SH3KBP1: variants seen among roughly 807,000 people sequenced by gnomAD.
SH3KBP1 encodes the protein SH3 domain-containing kinase-binding protein 1.
SH3KBP1 carries 8 observed loss-of-function variants against 50.1 expected under a neutral mutation model. That is an observed-to-expected ratio of 0.16 (90% CI 0.09 to 0.29). SH3KBP1 has a LOEUF of 0.29. Ranked by LOEUF, SH3KBP1 falls within the 10% of genes least tolerant of loss-of-function variation. SH3KBP1 has a pLI of 1.00. For synonymous variants in SH3KBP1, 227 were observed against 218.6 expected (o/e 1.04, Z -0.34); for missense variants, 377 against 535.2 (o/e 0.70, Z 2.92).
intron 2 of SH3KBP1, among the ~76,000 whole-genome samples, chrX:19,750,946 G>A (rs1414689716): frequency 2.7e-5 from 3 of 111,521 alleles, no homozygotes; most frequent in Non-Finnish European, 5.7e-5. Context: ...GGCAGAGCTG[G>A]CCATGAAACC....
At chrX:19,722,547 T>A (rs1400365491) in intron 3 of SH3KBP1, among the ~76,000 whole-genome samples, 1 of 105,334 alleles carries the variant, frequency 9.5e-6, no homozygotes, top group Non-Finnish European at 1.9e-5. Flanking sequence ...TGTGTGTGTG[T>A]GTGTGTGTGC....
chrX:19,552,083 T>C (rs766032737), intron 13 of SH3KBP1, among the ~76,000 whole-genome samples: 1 of 112,575 alleles, frequency 8.9e-6, no homozygotes, highest in Non-Finnish European at 1.9e-5. Flanking sequence ...TCATACTATA[T>C]GTAATACTGC....
chrX:19,777,629 AC>A (rs202044744), intron 2 of SH3KBP1, among the ~76,000 whole-genome samples: 1,636 of 111,474 alleles, frequency 0.015, 30 homozygotes, highest in African/African-American at 0.05. Flanking sequence ...GCTAGGCGCT[AC>A]CCCTAGAAGT....
intron 13 of SH3KBP1, among the ~76,000 whole-genome samples, chrX:19,554,234 T>TATAATATATATCATATTAAAATATA (rs1330596276): frequency 1.5e-5 from 1 of 66,163 alleles, no homozygotes; most frequent in African/African-American, 6.9e-5. Context: ...CATATTAAAA[T>TATAATATATATCATATTAAAATATA]ATATTATATA....
intron 1 of SH3KBP1, among the ~76,000 whole-genome samples, chrX:19,845,286 G>A (rs1028395660): frequency 9.2e-6 from 1 of 109,125 alleles, no homozygotes; most frequent in Non-Finnish European, 1.9e-5. Flanking sequence ...AGACCATCCT[G>A]GCTAACACGG....
At chrX:19,742,499 G>A (rs1321605599) in intron 3 of SH3KBP1, among the ~76,000 whole-genome samples, 2 of 111,697 alleles carry the variant, frequency 1.8e-5, no homozygotes, top group Non-Finnish European at 3.8e-5. Context: ...TAGGATATAT[G>A]CTAACTGTTC....
intron 7 of SH3KBP1, among the ~76,000 whole-genome samples, chrX:19,641,826 C>G (rs750870217): frequency 7.2e-5 from 8 of 111,288 alleles, no homozygotes; most frequent in Non-Finnish European, 9.4e-5. Flanking sequence ...GGACCAATGG[C>G]TAATAGCTTT....
chrX:19,794,712 A>C (rs2066658077), intron 2 of SH3KBP1, among the ~76,000 whole-genome samples: 1 of 111,648 alleles, frequency 9.0e-6, no homozygotes. Flanking sequence ...CAAAAAATAA[A>C]TAAAATAAAA....
At chrX:19,686,534 G>A (rs899119425) in intron 5 of SH3KBP1, among the ~76,000 whole-genome samples, 3 of 111,098 alleles carry the variant, frequency 2.7e-5, no homozygotes, top group African/African-American at 9.8e-5. Context: ...GTGCACTGGT[G>A]TAACTTCCAG....
At chrX:19,775,039 T>G (rs1488002807) in intron 2 of SH3KBP1, among the ~76,000 whole-genome samples, 2 of 111,156 alleles carry the variant, frequency 1.8e-5, no homozygotes, top group Non-Finnish European at 3.8e-5. Flanking sequence ...CACAAAGGAT[T>G]TGTCACCAGT....
At chrX:19,702,636 A>G (rs978032763) in intron 4 of SH3KBP1, among the ~76,000 whole-genome samples, 1 of 110,996 alleles carries the variant, frequency 9.0e-6, no homozygotes, top group Admixed American at 9.6e-5. Flanking sequence ...ATAGAAAAAC[A>G]AAGTGGCTTC....
chrX:19,758,327 C>CAAAAA (rs60332447), intron 2 of SH3KBP1, among the ~76,000 whole-genome samples: 16 of 37,638 alleles, frequency 4.3e-4, no homozygotes, highest in Admixed American at 8.0e-4. Flanking sequence ...GACTTCGTTT[C>CAAAAA]AAAAAAAAAA....
chrX:19,555,594 T>G (rs1184604040), intron 13 of SH3KBP1, among the ~76,000 whole-genome samples: 1 of 112,060 alleles, frequency 8.9e-6, no homozygotes, highest in Admixed American at 9.5e-5. Context: ...AGGATATAAG[T>G]TTGCTTACAG....
intron 2 of SH3KBP1, among the ~76,000 whole-genome samples, chrX:19,773,707 T>C (rs1330962661): frequency 9.3e-6 from 1 of 106,952 alleles, no homozygotes; most frequent in Non-Finnish European, 1.9e-5. Context: ...ATACAAAAAA[T>C]TAGCCAGGCG....
chrX:19,719,415 T>C (rs896632793), intron 3 of SH3KBP1, among the ~76,000 whole-genome samples: 5 of 111,685 alleles, frequency 4.5e-5, no homozygotes, highest in Admixed American at 3.8e-4. Flanking sequence ...AATTAACATC[T>C]GACCCCCCCA....
intron 1 of SH3KBP1, among the ~76,000 whole-genome samples, chrX:19,864,317 C>G (rs762392099): frequency 2.9e-4 from 31 of 106,255 alleles, no homozygotes; most frequent in African/African-American, 1.0e-3. Context: ...CAGAACAACA[C>G]CCCCCCACCC....
intron 2 of SH3KBP1, among the ~76,000 whole-genome samples, chrX:19,796,068 C>T (rs1010216261): frequency 1.8e-5 from 2 of 111,830 alleles, no homozygotes; most frequent in African/African-American, 6.5e-5. Flanking sequence ...ATGGAGAATA[C>T]AAGAGGGCAT....
intron 2 of SH3KBP1, among the ~76,000 whole-genome samples, chrX:19,747,080 T>C (rs1374129567): frequency 8.9e-6 from 1 of 111,938 alleles, no homozygotes; most frequent in African/African-American, 3.3e-5. Flanking sequence ...TTTGTACAGC[T>C]GCTTTCATGC....
intron 6 of SH3KBP1, among the ~76,000 whole-genome samples, chrX:19,676,716 T>C (rs1330813562): frequency 8.9e-6 from 1 of 112,415 alleles, no homozygotes; most frequent in Non-Finnish European, 1.9e-5. Flanking sequence ...ATTAAAAACT[T>C]GATTAGTCAC....
Sources: allele counts gnomAD v4.1 joint callset (sites outside exome capture counted in the v4.1 genomes callset), GRCh38; gene constraint gnomAD v4.1.1; transcripts MANE v1.5; gene names NCBI Gene and HGNC (gene_info 2026-07-23, HGNC 2026-07-21).